DLG2: variants seen among roughly 807,000 people sequenced by gnomAD.
DLG2 encodes the protein disks large homolog 2.
In DLG2, 45 loss-of-function variants were observed where a neutral mutation model predicts 132.5. That is an observed-to-expected ratio of 0.34 (90% CI 0.27 to 0.44). DLG2 has a LOEUF of 0.44. Ranked by LOEUF, DLG2 falls within the 20% of genes least tolerant of loss-of-function variation. The pLI, the probability that DLG2 is intolerant of heterozygous loss-of-function variation, is 1.00. For missense variants in DLG2, 1,045 were observed against 1,196.9 expected (o/e 0.87, Z 1.87); for synonymous variants, 424 against 419.6 (o/e 1.01, Z -0.13).
chr11:83,803,010 AAAGTTTT>A lies in DLG2; in HGVS notation c.1723-16225_1723-16219del, dbSNP rs376157852. On this transcript the variant is annotated intron_variant, in intron 17 of 27. Transcript: ENST00000376104. ...ATAACAATTTTAAAAGTCATACAAA[AAAGTTTT>A]AACTACTGAATTTGAGGTTTGTGTT... Among the ~76,000 whole-genome samples, 534 of 152,300 alleles carry A rather than the reference AAAGTTTT, an allele frequency of 3.5e-3. 9 individuals carry two copies. Among genetic ancestry groups the A allele is most frequent in the South Asian group, 0.012 (58 of 4,830 alleles).
intron 19 of DLG2, among the ~76,000 whole-genome samples, chr11:83,547,123 T>C (rs533826085): frequency 9.9e-5 from 15 of 152,262 alleles, no homozygotes; most frequent in Admixed American, 6.6e-4. Context: ...GTGTTTACTA[T>C]GTAGACCAGG....
chr11:83,467,621 G>T (rs1251725055), intron 25 of DLG2, among the ~76,000 whole-genome samples: 1 of 151,406 alleles, frequency 6.6e-6, no homozygotes, highest in Non-Finnish European at 1.5e-5. Context: ...ATGGTGGTGG[G>T]CACCTGTAAT....
chr11:85,261,056 G>A (rs1247099960), intron 4 of DLG2, among the ~76,000 whole-genome samples: 1 of 152,168 alleles, frequency 6.6e-6, no homozygotes, highest in Non-Finnish European at 1.5e-5. Flanking sequence ...GTAGCAGGTG[G>A]TAAAAGAATT....
At chr11:84,545,083 T>C (rs969761738) in intron 6 of DLG2, 33 of 454,018 alleles carry the variant, frequency 7.3e-5, no homozygotes, top group Non-Finnish European at 1.4e-4. Flanking sequence ...ACCTGTAGCT[T>C]CCCTGTCACT....
In DLG2 at chr11:85,497,589, T is replaced by G. The variant is rs74660709; in HGVS notation, c.40+101068A>C. ...GGAAATACAGAGAACACCACAAAGA[T>G]ATTCCTTGAAAAGAGCAACACCAAG... On this transcript the variant is annotated intron_variant, in intron 3 of 27. Transcript: ENST00000376104. 9.1e-3 allele frequency among the ~76,000 whole-genome samples: 1,392 copies of G among 152,162 alleles called. 19 individuals are homozygous for G. The highest frequency in any genetic ancestry group is 0.03 in the African/African-American group (1,243 of 41,508).
At chr11:84,673,601 TAAA>T (rs545722898) in intron 6 of DLG2, among the ~76,000 whole-genome samples, 8 of 120,348 alleles carry the variant, frequency 6.6e-5, no homozygotes, top group African/African-American at 1.4e-4. Context: ...CCCTAGAATC[TAAA>T]AAAAAAAAAA....
chr11:84,038,855 G>A (rs2095959138), intron 11 of DLG2, among the ~76,000 whole-genome samples: 2 of 151,984 alleles, frequency 1.3e-5, no homozygotes, highest in Non-Finnish European at 2.9e-5. Context: ...TGTTAGGAAT[G>A]AGAAGTGATG....
At chr11:85,559,069 T>C (rs1162123764) in intron 3 of DLG2, among the ~76,000 whole-genome samples, 1 of 151,736 alleles carries the variant, frequency 6.6e-6, no homozygotes, top group Non-Finnish European at 1.5e-5. Context: ...GTGGTGATGT[T>C]ATGAAATGAA....
chr11:84,796,090 A>T (rs1266369453), intron 6 of DLG2, among the ~76,000 whole-genome samples: 2 of 152,182 alleles, frequency 1.3e-5, no homozygotes, highest in African/African-American at 4.8e-5. Context: ...CAAAGGTACC[A>T]CTAGTCAAAG....
chr11:83,916,869 C>T (rs1054486909), intron 15 of DLG2, among the ~76,000 whole-genome samples: 4 of 152,096 alleles, frequency 2.6e-5, no homozygotes, highest in African/African-American at 9.7e-5. Flanking sequence ...AGCACTACCA[C>T]CTGAAGTCTC....
At chr11:84,509,376 T>C (rs2099251055) in intron 7 of DLG2, among the ~76,000 whole-genome samples, 1 of 152,236 alleles carries the variant, frequency 6.6e-6, no homozygotes, top group South Asian at 2.1e-4. Context: ...AAACTTACTG[T>C]TCCCATTTAG....
chr11:85,027,631 G>A (rs2154143161), intron 6 of DLG2, among the ~76,000 whole-genome samples: 1 of 152,354 alleles, frequency 6.6e-6, no homozygotes, highest in Non-Finnish European at 1.5e-5. Flanking sequence ...TAGCTGCTGT[G>A]GCAAGGCAGA....
At chr11:84,848,311 T>C (rs1241619027) in intron 6 of DLG2, among the ~76,000 whole-genome samples, 3 of 152,028 alleles carry the variant, frequency 2.0e-5, no homozygotes, top group Admixed American at 6.5e-5. Context: ...CTGGACAACA[T>C]AGTGAAGACC....
chr11:85,487,053 A>C (rs570524474), intron 3 of DLG2, among the ~76,000 whole-genome samples: 1 of 151,986 alleles, frequency 6.6e-6, no homozygotes, highest in South Asian at 2.1e-4. Context: ...AAAAAAAAAA[A>C]AACAGAGATC....
chr11:84,832,380 C>T (rs565750275), intron 6 of DLG2, among the ~76,000 whole-genome samples: 6 of 151,634 alleles, frequency 4.0e-5, no homozygotes, highest in East Asian at 1.9e-4. Context: ...AAAAGAAATG[C>T]TTTTGAAGTA....
intron 6 of DLG2, among the ~76,000 whole-genome samples, chr11:85,001,252 C>A (rs2058182625): frequency 1.3e-5 from 2 of 151,892 alleles, no homozygotes; most frequent in African/African-American, 4.8e-5. Context: ...CACTACCATG[C>A]CCAGCTTATT....
chr11:85,596,296 G>A (rs1207131741), intron 3 of DLG2, among the ~76,000 whole-genome samples: 3 of 152,154 alleles, frequency 2.0e-5, no homozygotes, highest in Non-Finnish European at 4.4e-5. Flanking sequence ...GGCTGAGGAA[G>A]GAGAACTGCT....
At chr11:83,954,296 T>C (rs1680823446) in intron 14 of DLG2, among the ~76,000 whole-genome samples, 1 of 152,198 alleles carries the variant, frequency 6.6e-6, no homozygotes, top group South Asian at 2.1e-4. Flanking sequence ...TTCCTACTTC[T>C]AGTAGGATAG....
intron 3 of DLG2, among the ~76,000 whole-genome samples, chr11:85,386,408 A>C (rs1230823642): frequency 6.6e-6 from 1 of 152,080 alleles, no homozygotes; most frequent in South Asian, 2.1e-4. Flanking sequence ...TCGACACCCT[A>C]CCTCCAGAGA....
Sources: allele counts gnomAD v4.1 joint callset (sites outside exome capture counted in the v4.1 genomes callset), GRCh38; gene constraint gnomAD v4.1.1; transcripts MANE v1.5; gene names NCBI Gene and HGNC (gene_info 2026-07-23, HGNC 2026-07-21).